NDST4: variants seen among roughly 807,000 people sequenced by gnomAD.
NDST4 encodes N-heparan sulfate sulfotransferase 4.
NDST4 carries 63 observed loss-of-function variants against 100.8 expected under a neutral mutation model. The ratio of observed to expected loss-of-function variants is 0.62; its 90% CI spans 0.51 to 0.77. The LOEUF is 0.77. NDST4 is among the 30% of genes least tolerant of loss of function. The pLI is 0.00. For missense variants in NDST4, 943 were observed against 1,018.4 expected, an observed-to-expected ratio of 0.93 and a Z score of 1.01; for synonymous variants, 377 against 361.8, an observed-to-expected ratio of 1.04 and a Z score of -0.48.
Position 114,935,187 on chromosome 4 carries a change from G to A in NDST4, c.1536+19C>T, listed in dbSNP as rs746752295. On this transcript the variant is annotated intron_variant, in intron 6 of 13. Coordinates refer to ENST00000264363, the MANE Select transcript of NDST4 (RefSeq NM_022569.3). ...AAAAATGCTAATCTTATTGTAAGGTGCATACATAGAATACATACTGGGTTT... is the reference window on the plus strand; with the variant it reads ...AAAAATGCTAATCTTATTGTAAGGTACATACATAGAATACATACTGGGTTT... 4 of 1,568,280 alleles carry A rather than the reference G, an allele frequency of 2.6e-6. No individual in the cohort carries two copies. Among genetic ancestry groups the A allele is most frequent in the Admixed American group, 1.9e-5 (1 of 51,954 alleles).
intron 2 of NDST4, among the ~76,000 whole-genome samples, chr4:115,031,888 T>C (rs1728124431): frequency 6.6e-6 from 1 of 152,066 alleles, no homozygotes; most frequent in Non-Finnish European, 1.5e-5. Context: ...AAAAGTCCCA[T>C]GGAACATTCT....
chr4:114,870,758 T>A lies in NDST4; in HGVS notation c.1719+10A>T, dbSNP rs1560787811. The A allele has an allele frequency of 3.8e-6, 6 of 1,592,338 alleles. No individual in the cohort carries two copies. In the East Asian group the frequency reaches 1.1e-4, roughly 30 times the overall value. On this transcript the variant is annotated intron_variant, in intron 7 of 13. Transcript: ENST00000264363. Reference sequence around the variant, plus strand: ...TTCCTTCCACCCCAAGAGAGAATGTTAAATGTTACCTGCCATAGAGGGTCT... The same window carrying A: ...TTCCTTCCACCCCAAGAGAGAATGTAAAATGTTACCTGCCATAGAGGGTCT...
intron 6 of NDST4, among the ~76,000 whole-genome samples, chr4:114,876,458 T>C (rs1175458921): frequency 6.6e-6 from 1 of 152,164 alleles, no homozygotes; most frequent in Non-Finnish European, 1.5e-5. Flanking sequence ...ATTCTAAAAA[T>C]AGTCTGGAAC....
chr4:115,025,504 G>A (rs1422841267), intron 2 of NDST4, among the ~76,000 whole-genome samples: 1 of 152,082 alleles, frequency 6.6e-6, no homozygotes, highest in African/African-American at 2.4e-5. Context: ...GAAGATTATT[G>A]AGAGTTCCTG....
chr4:115,004,521 C>T (rs908296779), intron 2 of NDST4, among the ~76,000 whole-genome samples: 8 of 152,098 alleles, frequency 5.3e-5, no homozygotes, highest in Non-Finnish European at 1.0e-4. Context: ...AGGAAGCTTT[C>T]TGAGCTGCGG....
intron 2 of NDST4, among the ~76,000 whole-genome samples, chr4:115,066,419 G>T (rs946397502): frequency 2.0e-5 from 3 of 152,006 alleles, no homozygotes; most frequent in Non-Finnish European, 4.4e-5. Context: ...TGAAAACCTA[G>T]ATTACTTACA....
chr4:114,883,037 G>GA (rs1447023782), intron 6 of NDST4, among the ~76,000 whole-genome samples: 21 of 150,548 alleles, frequency 1.4e-4, no homozygotes, highest in East Asian at 1.4e-3. Context: ...AACACTCACA[G>GA]AAAAACAAAA....
intron 6 of NDST4, among the ~76,000 whole-genome samples, chr4:114,892,836 A>G (rs1485495098): frequency 6.6e-6 from 1 of 151,848 alleles, no homozygotes; most frequent in Non-Finnish European, 1.5e-5. Flanking sequence ...AATTTGTTAC[A>G]TTGGTGTACA....
intron 6 of NDST4, among the ~76,000 whole-genome samples, chr4:114,909,312 G>T (rs1725015036): frequency 6.6e-6 from 1 of 152,168 alleles, no homozygotes; most frequent in Non-Finnish European, 1.5e-5. Context: ...CATGTATGAT[G>T]ACTTGGTATC....
chr4:115,066,244 C>T (rs1269989693), intron 2 of NDST4, among the ~76,000 whole-genome samples: 1 of 152,126 alleles, frequency 6.6e-6, no homozygotes, highest in African/African-American at 2.4e-5. Flanking sequence ...ATTTTCTCAA[C>T]TTTTTAATTC....
chr4:114,891,399 C>A (rs911003988), intron 6 of NDST4, among the ~76,000 whole-genome samples: 2 of 152,060 alleles, frequency 1.3e-5, no homozygotes, highest in South Asian at 2.1e-4. Context: ...ATCTTTAGAT[C>A]ATTTCACATT....
At chr4:115,030,208 C>A (rs1176976776) in intron 2 of NDST4, among the ~76,000 whole-genome samples, 2 of 152,074 alleles carry the variant, frequency 1.3e-5, no homozygotes, top group African/African-American at 4.8e-5. Context: ...TGAAAATATT[C>A]TGGCTTGTCT....
intron 9 of NDST4, among the ~76,000 whole-genome samples, chr4:114,847,567 A>C (rs1018517908): frequency 1.2e-4 from 19 of 152,220 alleles, no homozygotes; most frequent in Non-Finnish European, 2.1e-4. Context: ...TTTTCTTGAA[A>C]AATTGGAATA....
chr4:114,979,494 G>A (rs1432003681), intron 2 of NDST4, among the ~76,000 whole-genome samples: 1 of 150,842 alleles, frequency 6.6e-6, no homozygotes, highest in East Asian at 2.0e-4. Flanking sequence ...AGCAATAATT[G>A]GATTAGTTTC....
At chr4:114,888,069 T>TG (rs1724516594) in intron 6 of NDST4, among the ~76,000 whole-genome samples, 1 of 152,012 alleles carries the variant, frequency 6.6e-6, no homozygotes, top group East Asian at 1.9e-4. Context: ...CTGGGTGTGG[T>TG]GGCACAGGCC....
intron 4 of NDST4, among the ~76,000 whole-genome samples, chr4:114,938,638 G>A (rs1250912911): frequency 6.6e-6 from 1 of 152,110 alleles, no homozygotes; most frequent in African/African-American, 2.4e-5. Flanking sequence ...TCCATTATAT[G>A]GTACACAGCA....
chr4:115,000,818 C>T (rs1162167991), intron 2 of NDST4, among the ~76,000 whole-genome samples: 2 of 152,068 alleles, frequency 1.3e-5, no homozygotes, highest in Non-Finnish European at 2.9e-5. Flanking sequence ...GACTAAGGAG[C>T]TGATTAACAT....
chr4:114,918,084 T>C (rs1725211729), intron 6 of NDST4, among the ~76,000 whole-genome samples: 1 of 152,164 alleles, frequency 6.6e-6, no homozygotes, highest in Non-Finnish European at 1.5e-5. Flanking sequence ...AGAAAATGAT[T>C]ACAAGGTATC....
intron 1 of NDST4, among the ~76,000 whole-genome samples, chr4:115,094,734 T>A (rs1729586768): frequency 6.6e-6 from 1 of 152,112 alleles, no homozygotes; most frequent in African/African-American, 2.4e-5. Context: ...ATGACTGCTG[T>A]CTTTATAGAA....
Sources: allele counts gnomAD v4.1 joint callset (sites outside exome capture counted in the v4.1 genomes callset), GRCh38; gene constraint gnomAD v4.1.1; transcripts MANE v1.5; gene names NCBI Gene and HGNC (gene_info 2026-07-23, HGNC 2026-07-21).